Variants in TTLL5 observed in about 807,000 individuals in gnomAD.
The protein encoded by TTLL5 is tubulin tyrosine ligase like 5.
Under a neutral mutation model 168.4 loss-of-function variants are expected in TTLL5, and 132 were observed. That is an observed-to-expected ratio of 0.78 (90% CI 0.68 to 0.91). TTLL5 has a LOEUF of 0.91. TTLL5 is among the 40% of genes least tolerant of loss of function. The pLI is 0.00. For synonymous variants in TTLL5, 546 were observed against 558.6 expected (o/e 0.98, Z 0.32); for missense variants, 1,545 against 1,581.5 (o/e 0.98, Z 0.39).
intron 26 of TTLL5, among the ~76,000 whole-genome samples, chr14:75,792,111 G>C (rs1411858007): frequency 6.6e-6 from 1 of 150,994 alleles, no homozygotes; most frequent in Admixed American, 6.6e-5. Context: ...CTTTTTGCCA[G>C]AATTTCAGTG....
At position 75,922,443 on chromosome 14, in the gene TTLL5, G is replaced by C. The variant is rs552666052; in HGVS notation, c.3823+20219G>C. Among the ~76,000 whole-genome samples, 6 of 152,238 alleles carry C rather than the reference G, an allele frequency of 3.9e-5. No homozygotes were observed. In the South Asian group the frequency reaches 1.0e-3, roughly 26 times the overall value. On this transcript the variant is annotated intron_variant, in intron 31 of 31. Coordinates refer to ENST00000298832, the MANE Select transcript of TTLL5 (RefSeq NM_015072.5). ...CTTATTGAGTGTTTTTAGCATGAAG[G>C]GCTGTTGAATTTTGTCAAAGGCCTT...
intron 31 of TTLL5, 172 bp downstream of exon 31, chr14:75,902,396 T>G (rs1191135903): frequency 2.7e-6 from 2 of 743,664 alleles, no homozygotes; most frequent in Non-Finnish European, 4.5e-6. Context: ...AAAATAGTCT[T>G]GGCAGCCTAA....
At chr14:75,921,791 G>T (rs971692791) in intron 31 of TTLL5, among the ~76,000 whole-genome samples, 3 of 152,106 alleles carry the variant, frequency 2.0e-5, no homozygotes, top group African/African-American at 7.2e-5. Context: ...GATGGGGATG[G>T]CATTGAATCT....
At chr14:75,792,310 C>A (rs1026265033) in intron 26 of TTLL5, among the ~76,000 whole-genome samples, 1 of 150,834 alleles carries the variant, frequency 6.6e-6, no homozygotes, top group Admixed American at 6.6e-5. Flanking sequence ...CAACATGGCA[C>A]ATGTATACAT....
At chr14:75,869,017 T>G (rs2030782419) in intron 29 of TTLL5, among the ~76,000 whole-genome samples, 1 of 91,918 alleles carries the variant, frequency 1.1e-5, no homozygotes, top group Non-Finnish European at 2.2e-5. Flanking sequence ...GGGAGGAGTG[T>G]GTGTGTGTGT....
chr14:75,778,780 A>G (rs1452710931), intron 23 of TTLL5, among the ~76,000 whole-genome samples: 1 of 152,260 alleles, frequency 6.6e-6, no homozygotes, highest in Non-Finnish European at 1.5e-5. Context: ...AGAAGAATCC[A>G]CTAGCCTCTC....
At chr14:75,669,277 G>A (rs74635465) in intron 2 of TTLL5, 139 bp from the exon 3 acceptor site, 25,167 of 734,482 alleles carry the variant, frequency 0.034, 546 homozygotes, top group Middle Eastern at 0.057. Flanking sequence ...AATGGGAGAT[G>A]TGATTTCCCA....
intron 3 of TTLL5, among the ~76,000 whole-genome samples, chr14:75,671,326 C>T (rs184971430): frequency 1.1e-4 from 16 of 152,252 alleles, no homozygotes; most frequent in African/African-American, 3.6e-4. Context: ...TTTGAAATTG[C>T]GGATTGTAAG....
intron 26 of TTLL5, among the ~76,000 whole-genome samples, chr14:75,790,288 C>T (rs1356876145): frequency 6.6e-6 from 1 of 151,978 alleles, no homozygotes; most frequent in African/African-American, 2.4e-5. Context: ...AAAACAAAAA[C>T]ACAAATCGTG....
chr14:75,673,826 C>A (rs531067949), intron 3 of TTLL5, among the ~76,000 whole-genome samples: 3 of 152,148 alleles, frequency 2.0e-5, no homozygotes, highest in Admixed American at 1.3e-4. Context: ...GTGTTCTAGT[C>A]ACCTCAGCAA....
At position 75,890,463 on chromosome 14, in the gene TTLL5, A is replaced by G. The variant is rs150202183; in HGVS notation, c.3740+7561A>G. Among the ~76,000 whole-genome samples, 127 of 152,320 alleles carry G rather than the reference A, an allele frequency of 8.3e-4. No individual in the cohort carries two copies. The East Asian group carries it at 0.022, about 26-fold the overall frequency. On this transcript the variant is annotated intron_variant, in intron 30 of 31. Coordinates refer to ENST00000298832, the MANE Select transcript of TTLL5 (RefSeq NM_015072.5). ...AAAATACTTTAAAAGTAGATATAGA[A>G]GAGACTGAAAAATTAGGAGAACACG... is the stretch of plus-strand genomic sequence containing the variant.
chr14:75,869,019 T>A (rs536015708), intron 29 of TTLL5, among the ~76,000 whole-genome samples: 5 of 110,100 alleles, frequency 4.5e-5, no homozygotes, highest in African/African-American at 1.9e-4. Flanking sequence ...GAGGAGTGTG[T>A]GTGTGTGTGT....
At chr14:75,826,987 A>AT (rs1471020558) in intron 28 of TTLL5, among the ~76,000 whole-genome samples, 2 of 152,214 alleles carry the variant, frequency 1.3e-5, no homozygotes, top group African/African-American at 4.8e-5. Flanking sequence ...ACAGCTAAGA[A>AT]ATCAATGCTC....
At chr14:75,763,177 G>A (rs1594991176) in intron 18 of TTLL5, among the ~76,000 whole-genome samples, 1 of 151,730 alleles carries the variant, frequency 6.6e-6, no homozygotes, top group East Asian at 1.9e-4. Flanking sequence ...TGGTTTAAAT[G>A]ATTTTATCTT....
chr14:75,914,649 AGTCTTGCTCT>A (rs2033541031), intron 31 of TTLL5, among the ~76,000 whole-genome samples: 1 of 111,110 alleles, frequency 9.0e-6, no homozygotes, highest in African/African-American at 3.6e-5. Context: ...TTTGAGACGG[AGTCTTGCTCT>A]GTCGCCCAGG....
chr14:75,736,444 G>T (rs899667596), intron 15 of TTLL5, among the ~76,000 whole-genome samples: 2 of 152,100 alleles, frequency 1.3e-5, no homozygotes, highest in African/African-American at 4.8e-5. Flanking sequence ...GGGCCTGCAG[G>T]CAGGTAATAT....
intron 12 of TTLL5, among the ~76,000 whole-genome samples, chr14:75,726,815 A>G (rs1888213974): frequency 1.3e-5 from 2 of 152,354 alleles, no homozygotes; most frequent in Middle Eastern, 3.4e-3. Flanking sequence ...TGTAGCTAAC[A>G]GACAGCCACT....
At chr14:75,716,336 A>G (rs536817859) in intron 9 of TTLL5, among the ~76,000 whole-genome samples, 14 of 152,198 alleles carry the variant, frequency 9.2e-5, no homozygotes, top group Admixed American at 6.5e-4. Flanking sequence ...CTCTTTGTCC[A>G]CATCCTTTTT....
intron 2 of TTLL5, among the ~76,000 whole-genome samples, chr14:75,667,042 T>C (rs189617603): frequency 6.6e-6 from 1 of 152,336 alleles, no homozygotes; most frequent in Admixed American, 6.5e-5. Context: ...ATGTTTTTCA[T>C]GACAACTTCG....
Sources: allele counts gnomAD v4.1 joint callset (sites outside exome capture counted in the v4.1 genomes callset), GRCh38; gene constraint gnomAD v4.1.1; transcripts MANE v1.5; gene names NCBI Gene and HGNC (gene_info 2026-07-23, HGNC 2026-07-21).